Variants in HIVEP3 observed in about 807,000 individuals in gnomAD.
HIVEP3 encodes the protein transcription factor HIVEP3.
In HIVEP3, 49 loss-of-function variants were observed where a neutral mutation model predicts 152.8. The observed-to-expected ratio is 0.32, with a 90% confidence interval of 0.26 to 0.41. The LOEUF (loss-of-function observed/expected upper bound fraction) is 0.41. Ranked by LOEUF, HIVEP3 falls within the 10% of genes least tolerant of loss-of-function variation. HIVEP3 has a pLI of 1.00. For synonymous variants in HIVEP3, 1,269 were observed against 1,289.0 expected (o/e 0.98, Z 0.33); for missense variants, 2,790 against 3,103.3 (o/e 0.90, Z 2.40).
chr1:42,007,927 T>C (rs1645469719), intron 1 of HIVEP3, among the ~76,000 whole-genome samples: 1 of 152,230 alleles, frequency 6.6e-6, no homozygotes, highest in South Asian at 2.1e-4. Context: ...GTTCTTCTGA[T>C]GGATTCCTTC....
intron 1 of HIVEP3, among the ~76,000 whole-genome samples, chr1:41,960,825 C>G (rs549258152): frequency 6.6e-6 from 1 of 152,336 alleles, no homozygotes; most frequent in East Asian, 1.9e-4. Context: ...TCTCCTCCCC[C>G]TCCACTGTGG....
intron 1 of HIVEP3, among the ~76,000 whole-genome samples, chr1:41,850,718 G>T (rs1024837346): frequency 1.3e-5 from 2 of 152,212 alleles, no homozygotes; most frequent in Non-Finnish European, 2.9e-5. Context: ...GTTCAACTGT[G>T]AGTCCACTGC....
At chr1:41,896,201 T>C (rs1273166250) in intron 1 of HIVEP3, among the ~76,000 whole-genome samples, 3 of 152,152 alleles carry the variant, frequency 2.0e-5, no homozygotes, top group Non-Finnish European at 4.4e-5. Context: ...CTCTGTAAAA[T>C]GGGAATAAAA....
At chr1:41,866,302 T>C (rs1643971561) in intron 1 of HIVEP3, among the ~76,000 whole-genome samples, 1 of 152,218 alleles carries the variant, frequency 6.6e-6, no homozygotes, top group South Asian at 2.1e-4. Flanking sequence ...AGGGGATGCA[T>C]GGTGGAAACC....
chr1:41,580,792 T>C lies in HIVEP3; in HGVS notation c.4006A>G (p.Thr1336Ala). Residue 1336 changes from threonine to alanine, a missense_variant, in exon 4 of 9, where the codon ACC (threonine) becomes GCC (alanine). Physicochemically the swap from Thr to Ala is moderately conservative, Grantham distance 58 (BLOSUM62 0). This residue lies in a region of HIVEP3 where 1,078 missense variants were observed against 1,165.3 expected (regional missense o/e 0.93). Coordinates refer to ENST00000372583, the MANE Select transcript of HIVEP3 (RefSeq NM_024503.5). ...NMPSYGSAMY[T>A]TLSQILVTQS... is the part of the protein sequence containing the mutation. ...GTGACCAAGATCTGGGAAAGGGTGG[T>C]GTACATTGCGCTCCCATAGGACGGC... 1 of 1,577,152 alleles carries C rather than the reference T, an allele frequency of 6.3e-7. No homozygotes were observed. The highest frequency in any genetic ancestry group is 1.8e-5 in the Admixed American group (1 of 56,682).
intron 5 of HIVEP3, among the ~76,000 whole-genome samples, chr1:41,553,347 A>G (rs1484784396): frequency 6.6e-6 from 1 of 151,682 alleles, no homozygotes; most frequent in Non-Finnish European, 1.5e-5. Flanking sequence ...CTTTCCATTT[A>G]CTTGGTAGAT....
At position 41,513,494 on chromosome 1, in the gene HIVEP3, G is replaced by T. The variant is rs1451608843; in HGVS notation, c.5727C>A (p.Gly1909=). The change falls in exon 8 of 9, where the codon GGC becomes GGA. Residue 1909 remains glycine (G), a synonymous_variant. Coordinates refer to ENST00000372583, the MANE Select transcript of HIVEP3 (RefSeq NM_024503.5). ...CCGAGCTGCCTCGTGTAGCCTCCGTGCCAGAGGCGGGGGCATCTGGGGGCT... is the reference window on the plus strand; with the variant it reads ...CCGAGCTGCCTCGTGTAGCCTCCGTTCCAGAGGCGGGGGCATCTGGGGGCT... ...GPQPPDAPAS[G]TEATRGSSVS... is the part of the protein sequence containing the mutation. 3 of 1,608,778 alleles carry T rather than the reference G, an allele frequency of 1.9e-6. No individual in the cohort carries two copies. In the East Asian group the frequency reaches 6.7e-5, roughly 36 times the overall value.
chr1:41,515,986 T>C (rs1642593289), intron 7 of HIVEP3, among the ~76,000 whole-genome samples: 1 of 152,190 alleles, frequency 6.6e-6, no homozygotes, highest in Non-Finnish European at 1.5e-5. Flanking sequence ...GACCAGCGTC[T>C]CCTGATGTCC....
intron 1 of HIVEP3, among the ~76,000 whole-genome samples, chr1:41,732,043 G>A (rs1189794694): frequency 6.6e-6 from 1 of 152,192 alleles, no homozygotes; most frequent in African/African-American, 2.4e-5. Context: ...AAAAGATGAG[G>A]ACATGGTCCT....
At chr1:41,543,207 T>A (rs1453704535) in intron 5 of HIVEP3, 1 of 152,250 alleles carries the variant, frequency 6.6e-6, no homozygotes, top group Non-Finnish European at 1.5e-5. Context: ...AGCCACGAGC[T>A]GGCGTGATTC....
chr1:41,948,657 C>G (rs1191785549), intron 1 of HIVEP3, among the ~76,000 whole-genome samples: 1 of 152,068 alleles, frequency 6.6e-6, no homozygotes, highest in Non-Finnish European at 1.5e-5. Context: ...GAATGGAGAA[C>G]CTCACGAGGA....
At chr1:41,961,374 A>G (rs1645168611) in intron 1 of HIVEP3, among the ~76,000 whole-genome samples, 1 of 152,264 alleles carries the variant, frequency 6.6e-6, no homozygotes, top group Non-Finnish European at 1.5e-5. Context: ...ACTAAATTCC[A>G]GGGAATTTTT....
chr1:41,599,809 G>A (rs766531904), intron 3 of HIVEP3, among the ~76,000 whole-genome samples: 1 of 152,066 alleles, frequency 6.6e-6, no homozygotes, highest in East Asian at 1.9e-4. Flanking sequence ...GAGAGAAAAC[G>A]CTTGCAAATC....
chr1:41,548,418 C>G (rs1643856871), intron 5 of HIVEP3, among the ~76,000 whole-genome samples: 1 of 152,234 alleles, frequency 6.6e-6, no homozygotes, highest in African/African-American at 2.4e-5. Flanking sequence ...GCTCTGCAAC[C>G]TCAGCTTTGT....
At chr1:41,719,319 C>T (rs185076752) in intron 1 of HIVEP3, among the ~76,000 whole-genome samples, 43 of 152,362 alleles carry the variant, frequency 2.8e-4, no homozygotes, top group African/African-American at 8.9e-4. Context: ...GCTCCTCTTA[C>T]AGGTTAGATG....
At chr1:41,616,259 T>C (rs1236339824) in intron 3 of HIVEP3, among the ~76,000 whole-genome samples, 1 of 152,188 alleles carries the variant, frequency 6.6e-6, no homozygotes, top group Non-Finnish European at 1.5e-5. Context: ...CCATGTGGGC[T>C]CCACTGATGA....
intron 2 of HIVEP3, among the ~76,000 whole-genome samples, chr1:41,655,194 G>A (rs1356314921): frequency 6.6e-6 from 1 of 151,862 alleles, no homozygotes; most frequent in Non-Finnish European, 1.5e-5. Context: ...ATAGAGAAAG[G>A]AAATTTTCCT....
At chr1:41,675,950 C>T (rs911522228) in intron 2 of HIVEP3, among the ~76,000 whole-genome samples, 6 of 134,860 alleles carry the variant, frequency 4.4e-5, no homozygotes, top group African/African-American at 3.4e-5. Context: ...TCTTGGGGAC[C>T]GGGGACAGGA....
chr1:41,544,816 CCTCTACCACCACCAT>C (rs1643652579), intron 5 of HIVEP3, among the ~76,000 whole-genome samples: 2 of 141,740 alleles, frequency 1.4e-5, no homozygotes, highest in Non-Finnish European at 3.1e-5. Context: ...ACCACTACCA[CCTCTACCACCACCAT>C]CACCACCACC....
Sources: gnomAD v4.1 joint callset for allele counts (sites outside exome capture counted in the v4.1 genomes callset) on GRCh38, gnomAD v4.1.1 for gene constraint, gnomAD v4.1.1 regional missense constraint, MANE v1.5 for transcripts, NCBI Gene and HGNC (gene_info 2026-07-23, HGNC 2026-07-21) for gene names.